CTCFL: variants seen among roughly 807,000 people sequenced by gnomAD.
CTCFL encodes transcriptional repressor CTCFL.
In CTCFL, 36 loss-of-function variants were observed where a neutral mutation model predicts 67.4. That is an observed-to-expected ratio of 0.53 (90% CI 0.41 to 0.71). The LOEUF is 0.71. Among genes scored for constraint, CTCFL ranks in the 30% least tolerant of loss-of-function variants. CTCFL has a pLI of 0.00. For missense variants in CTCFL, 786 were observed against 835.2 expected (o/e 0.94, Z 0.73); for synonymous variants, 324 against 302.3 (o/e 1.07, Z -0.75).
chr20:57,499,907 C>T (rs2067830254), intron 10 of CTCFL: 33 of 954,830 alleles, frequency 3.5e-5, no homozygotes, highest in Non-Finnish European at 4.1e-5. Context: ...TGCTCACCTC[C>T]TGCTGGGAGG....
downstream of CTCFL, among the ~76,000 whole-genome samples, chr20:57,496,607 C>G (rs1336125029): frequency 6.6e-6 from 1 of 152,184 alleles, no homozygotes; most frequent in Non-Finnish European, 1.5e-5. Context: ...TCCATTCTCC[C>G]TCACCCCTCA....
chr20:57,513,741 TTCATC>T, intron 7 of CTCFL: 1 of 1,214,738 alleles, frequency 8.2e-7, no homozygotes, highest in Non-Finnish European at 1.0e-6. Context: ...TTCAAAAAAA[TTCATC>T]TCATCTCCAG....
rs574614734 is a variant in CTCFL at position 57,515,035 on chromosome 20, G to A, written c.1181-294C>T. The A allele has an allele frequency of 2.1e-5, 8 of 373,344 alleles. No individual in the cohort carries two copies. In the East Asian group the frequency reaches 3.1e-4, roughly 14 times the overall value. 23.1% of individuals were successfully genotyped at this position (373,344 alleles called of 1,614,324 possible). A position where few individuals can be genotyped will look rare whatever the true frequency, so the allele number is the denominator to read the frequency against. The stretch of plus-strand genomic sequence containing the variant: ...GAATAACCAAGAAGTACACATAAAT[G>A]TATTCTTAACACAAGACATCAAGTA... On this transcript the variant is annotated intron_variant, in intron 6 of 10. Coordinates refer to ENST00000243914, the MANE Select transcript of CTCFL (RefSeq NM_001386993.1).
At chr20:57,504,687 G>A (rs2068105402) in intron 9 of CTCFL, among the ~76,000 whole-genome samples, 1 of 151,924 alleles carries the variant, frequency 6.6e-6, no homozygotes, top group South Asian at 2.1e-4. Context: ...CCTGGGGGCT[G>A]AAATCTGACC....
chr20:57,523,319 C>T (rs1157322125), intron 2 of CTCFL, 41 bp from the exon 3 acceptor site: 2 of 1,555,250 alleles, frequency 1.3e-6, no homozygotes, highest in African/African-American at 2.7e-5. Flanking sequence ...CTATTGATTT[C>T]AGTATAATTA....
At chr20:57,506,876 GC>G (rs2068234083) in intron 9 of CTCFL, 1 of 985,080 alleles carries the variant, frequency 1.0e-6, no homozygotes, top group Admixed American at 6.1e-5. Context: ...CACTGCCACA[GC>G]TTTTATTTGA....
Position 57,498,334 on chromosome 20 carries a change from T to C in CTCFL, c.*216A>G. The C allele has an allele frequency of 2.3e-6, 3 of 1,286,266 alleles. No individual in the cohort carries two copies. The South Asian group carries it at 7.2e-5, about 31-fold the overall frequency. 79.7% of individuals were successfully genotyped at this position (1,286,266 alleles called of 1,614,324 possible). A position where few individuals can be genotyped will look rare whatever the true frequency, so the allele number is the denominator to read the frequency against. On this transcript the variant is annotated 3_prime_UTR_variant, in exon 11 of 11. Coordinates refer to ENST00000243914, the MANE Select transcript of CTCFL (RefSeq NM_001386993.1). ...CAAACAGGAGAACAATTCTAGACAC[T>C]ACCTCAAACTTGTGTCATCCATTGT...
chr20:57,505,420 T>A (rs2068151634), intron 9 of CTCFL, among the ~76,000 whole-genome samples: 1 of 151,068 alleles, frequency 6.6e-6, no homozygotes, highest in Admixed American at 6.6e-5. Flanking sequence ...CACGCCCGGC[T>A]AATTTTTTGT....
chr20:57,514,692 G>A lies in CTCFL; in HGVS notation c.1230C>T (p.Ser410=), dbSNP rs537493683. ...GCAGAATATGTATTTTCATGGTCCC[G>A]CTCTGGGTGAAGCGGGTGTGGCAGA... The part of the protein sequence containing the change: ...CHICHTRFTQ[S]GTMKIHILQK... The change falls in exon 7 of 11, where the codon AGC becomes AGT. Residue 410 remains serine, a synonymous_variant. Transcript: ENST00000243914. The A allele has an allele frequency of 3.0e-5, 48 of 1,614,136 alleles. No individual in the cohort carries two copies. In the East Asian group the frequency reaches 4.5e-4, roughly 15 times the overall value.
chr20:57,514,813 G>GT (rs11086612), intron 6 of CTCFL, 72 bp from the exon 7 acceptor site: 18,866 of 1,181,382 alleles, frequency 0.016, 1 homozygote, highest in Non-Finnish European at 0.019. Context: ...TGCTGAAAGT[G>GT]TTTTTTTTTT....
At chr20:57,519,437 A>G in intron 3 of CTCFL, 60 bp from the exon 4 acceptor site, 1 of 1,450,822 alleles carries the variant, frequency 6.9e-7, no homozygotes, top group East Asian at 2.3e-5. Flanking sequence ...TAAATACTTG[A>G]AAGTAAATCA....
Position 57,523,858 on chromosome 20 carries a change from G to A in CTCFL, c.348C>T (p.Gly116=). ...CTTCCTCAAGCCACAGCAACCCAGG[G>A]CCAGGCTGTTGCACCACCACCTGCA... The part of the protein sequence containing the change: ...EGVQVVVQQP[G]PGLLWLEEGP... Residue 116 remains glycine, a synonymous_variant, in exon 2 of 11, where the codon GGC becomes GGT. Transcript: ENST00000243914. The A allele has an allele frequency of 2.5e-6, 4 of 1,613,190 alleles. No individual in the cohort carries two copies. Among genetic ancestry groups the A allele is most frequent in the Non-Finnish European group, 3.4e-6 (4 of 1,180,036 alleles).
chr20:57,523,062 G>A lies in CTCFL; in HGVS notation c.754+6C>T, dbSNP rs1464461638. 5 of 1,611,982 alleles carry A rather than the reference G, an allele frequency of 3.1e-6. No individual in the cohort carries two copies. The highest frequency in any genetic ancestry group is 3.4e-6 in the Non-Finnish European group (4 of 1,178,556). Reference sequence around the variant, plus strand: ...GGAGTGTATTCTATGAGATGAACTGGCCTACCCTTTGTCTTTCTTTGATTT... The same window carrying A: ...GGAGTGTATTCTATGAGATGAACTGACCTACCCTTTGTCTTTCTTTGATTT... On this transcript the variant is annotated splice_donor_region_variant and intron_variant, in intron 3 of 10. Coordinates refer to ENST00000243914, the MANE Select transcript of CTCFL (RefSeq NM_001386993.1).
At position 57,517,595 on chromosome 20, in the gene CTCFL, A is replaced by T. The variant is rs539869974; in HGVS notation, c.1059+1163T>A. On this transcript the variant is annotated intron_variant, in intron 5 of 10. Coordinates refer to ENST00000243914, the MANE Select transcript of CTCFL (RefSeq NM_001386993.1). ...GCCCGGCCAATTCAAAAGCTTTTTT[A>T]AAAAAAGGGGCACATCTGCACCACA... 6.8e-4 allele frequency among the ~76,000 whole-genome samples: 103 copies of T among 152,170 alleles called. No homozygotes were observed. In the South Asian group the frequency reaches 7.7e-3, roughly 11 times the overall value.
Position 57,506,005 on chromosome 20 carries a change from G to A in CTCFL, c.1675-2404C>T, listed in dbSNP as rs769421619. On this transcript the variant is annotated intron_variant, in intron 9 of 10. Coordinates refer to ENST00000243914, the MANE Select transcript of CTCFL (RefSeq NM_001386993.1). The stretch of plus-strand genomic sequence containing the variant: ...GAAGAAGGAAGAATTTACACATAAT[G>A]GGGGTGATGGAACAGGTTGTTTAAA... Among the ~76,000 whole-genome samples, 29 of 152,360 alleles carry A rather than the reference G, an allele frequency of 1.9e-4. No individual in the cohort carries two copies. In the Middle Eastern group the frequency reaches 0.01, roughly 54 times the overall value.
intron 10 of CTCFL, among the ~76,000 whole-genome samples, chr20:57,501,879 T>C (rs2067933302): frequency 6.6e-6 from 1 of 152,214 alleles, no homozygotes; most frequent in African/African-American, 2.4e-5. Flanking sequence ...GAATGAGGGC[T>C]CTGGGCACCT....
intron 5 of CTCFL, among the ~76,000 whole-genome samples, chr20:57,516,524 C>T (rs1252185994): frequency 2.0e-5 from 3 of 152,096 alleles, no homozygotes; most frequent in Non-Finnish European, 2.9e-5. Context: ...GTAACAGAGT[C>T]AGACCATGTC....
chr20:57,506,880 T>C, intron 9 of CTCFL: 1 of 985,402 alleles, frequency 1.0e-6, no homozygotes, highest in Non-Finnish European at 1.2e-6. Flanking sequence ...GCCACAGCTT[T>C]TATTTGAAAT....
Position 57,508,621 on chromosome 20 carries a change from T to A in CTCFL, c.1659A>T (p.Lys553Asn). Residue 553 changes from lysine (K) to asparagine (N), a missense_variant, in exon 9 of 11, where the codon AAA becomes AAT. Transcript: ENST00000243914. ...GTAAGCTTACCCAGCGGGAAAAGCC[T>A]TTGCCACACTTGGAGCATTTGTAAA... Reference protein sequence around the residue: ...PTVYKCSKCGKGFSRWINLHR... With the variant: ...PTVYKCSKCGNGFSRWINLHR... 6.2e-7 allele frequency: 1 copy of A among 1,614,158 alleles called. No individual in the cohort carries two copies. The highest frequency in any genetic ancestry group is 8.5e-7 in the Non-Finnish European group (1 of 1,179,996).
Sources: allele counts gnomAD v4.1 joint callset (sites outside exome capture counted in the v4.1 genomes callset), GRCh38; gene constraint gnomAD v4.1.1; transcripts MANE v1.5; gene names NCBI Gene and HGNC (gene_info 2026-07-23, HGNC 2026-07-21).